The following CCDC88A variants were observed in gnomAD, a reference collection of about 807,000 sequenced individuals.
CCDC88A encodes coiled-coil and HOOK domain protein 88A.
Under a neutral mutation model 234.3 loss-of-function variants are expected in CCDC88A, and 54 were observed. The ratio of observed to expected loss-of-function variants is 0.23; its 90% confidence interval spans 0.19 to 0.29. CCDC88A has a LOEUF of 0.29. Ranked by LOEUF, CCDC88A falls within the 10% of genes least tolerant of loss-of-function variation. The probability of loss-of-function intolerance (pLI) is 1.00; values close to 1 mark genes in which losing one functional copy is unlikely to be tolerated. For synonymous variants in CCDC88A, 753 were observed against 737.8 expected, an observed-to-expected ratio of 1.02 and a Z score of -0.33; for missense variants, 1,832 against 2,123.4, an observed-to-expected ratio of 0.86 and a Z score of 2.70.
intron 3 of CCDC88A, among the ~76,000 whole-genome samples, chr2:55,377,080 C>A (rs943006591): frequency 2.0e-5 from 3 of 152,188 alleles, no homozygotes; most frequent in African/African-American, 4.8e-5. Context: ...GATCCACCTG[C>A]CTCGGCCTCC....
intron 5 of CCDC88A, among the ~76,000 whole-genome samples, 167 bp downstream of exon 5, chr2:55,372,285 G>T (rs968851565): frequency 5.3e-5 from 8 of 151,996 alleles, no homozygotes; most frequent in African/African-American, 9.7e-5. Flanking sequence ...AAAATAAGTG[G>T]TTTTTTTCAA....
At chr2:55,324,553 T>G (rs1684027230) in intron 17 of CCDC88A, among the ~76,000 whole-genome samples, 1 of 152,228 alleles carries the variant, frequency 6.6e-6, no homozygotes, top group African/African-American at 2.4e-5. Flanking sequence ...GGTCATTATA[T>G]CCAGTTTTTA....
chr2:55,419,192 A>G lies in CCDC88A; in HGVS notation c.-113T>C. On this transcript the variant is annotated 5_prime_UTR_variant, in exon 1 of 33. Coordinates refer to ENST00000436346, the MANE Select transcript of CCDC88A (RefSeq NM_001365480.1). Reference sequence around the variant, plus strand: ...ATGAAAGTCCATTTCGGCAAGGGAGAAAAATCCCATCGTGGAGGAGGGGGG... The same window carrying G: ...ATGAAAGTCCATTTCGGCAAGGGAGGAAAATCCCATCGTGGAGGAGGGGGG... 1 of 693,140 alleles carries G rather than the reference A, an allele frequency of 1.4e-6. No homozygotes were observed. The highest frequency in any genetic ancestry group is 2.6e-5 in the Admixed American group (1 of 38,450). The allele number at this position is 693,140 out of a possible 1,614,324, so 42.9% of individuals were successfully genotyped here. A position where few individuals can be genotyped will look rare whatever the true frequency, so the allele number is the denominator to read the frequency against.
chr2:55,294,973 AATG>A (rs1679851093), intron 31 of CCDC88A: 4 of 1,197,610 alleles, frequency 3.3e-6, no homozygotes, highest in African/African-American at 1.6e-5. Context: ...AACCTAGCCA[AATG>A]ATATTTTGTT....
At chr2:55,339,091 T>TG in intron 13 of CCDC88A, 1 of 160,444 alleles carries the variant, frequency 6.2e-6, no homozygotes, top group Non-Finnish European at 1.4e-5. Flanking sequence ...CCCGAGTAGC[T>TG]GGGATCACCG....
rs752663401 is a variant in CCDC88A at position 55,394,834 on chromosome 2, ATGTTTT to A, written c.165-5954_165-5949del. Among the ~76,000 whole-genome samples, 265 of 151,446 alleles carry A rather than the reference ATGTTTT, an allele frequency of 1.7e-3. 1 individual carries two copies. The highest frequency in any genetic ancestry group is 3.0e-3 in the Non-Finnish European group (204 of 67,802). On this transcript the variant is annotated intron_variant, in intron 2 of 32. Coordinates refer to ENST00000436346, the MANE Select transcript of CCDC88A (RefSeq NM_001365480.1). The stretch of plus-strand genomic sequence containing the variant: ...AATAATAAAAAAAAAAAGAAAAAAA[ATGTTTT>A]TGTTTTTGTTTTTGTTTTTTTTTGA...
chr2:55,303,794 T>C lies in CCDC88A; in HGVS notation c.4388-642A>G, dbSNP rs372837176. 7.2e-5 allele frequency among the ~76,000 whole-genome samples: 11 copies of C among 152,334 alleles called. No individual in the cohort carries two copies. In the East Asian group the frequency reaches 2.1e-3, roughly 29 times the overall value. The stretch of plus-strand genomic sequence containing the variant: ...CCTAGTTAAGTCGTAAAGGTAAACC[T>C]TTAAAATGAAGGCTACTGGTGGTTC... On this transcript the variant is annotated intron_variant, in intron 25 of 32. Coordinates refer to ENST00000436346, the MANE Select transcript of CCDC88A (RefSeq NM_001365480.1).
chr2:55,408,885 C>T (rs1680022846), intron 2 of CCDC88A, among the ~76,000 whole-genome samples: 1 of 152,128 alleles, frequency 6.6e-6, no homozygotes, highest in Non-Finnish European at 1.5e-5. Flanking sequence ...CCTCCTGATA[C>T]TTGCTTTCTT....
intron 2 of CCDC88A, among the ~76,000 whole-genome samples, chr2:55,391,295 A>C (rs938731227): frequency 2.0e-5 from 3 of 152,208 alleles, no homozygotes; most frequent in African/African-American, 7.2e-5. Flanking sequence ...TGCTGATTGC[A>C]AGTAACTTGA....
chr2:55,314,339 G>A (rs536598231), intron 22 of CCDC88A: 8 of 152,312 alleles, frequency 5.3e-5, no homozygotes, highest in South Asian at 2.1e-4. Context: ...AGGTTGTCTC[G>A]TTGTTAAAGA....
Position 55,301,281 on chromosome 2 carries a change from C to A in CCDC88A, c.4673-4G>T, listed in dbSNP as rs1180226031. On this transcript the variant is annotated splice_region_variant and splice_polypyrimidine_tract_variant and intron_variant, in intron 27 of 32. Coordinates refer to ENST00000436346, the MANE Select transcript of CCDC88A (RefSeq NM_001365480.1). ...ATGTCTTCAAAGGATGTAGTATCTACATAAAATAGCAAAATGGATATAAAG... is the reference window on the plus strand; with the variant it reads ...ATGTCTTCAAAGGATGTAGTATCTAAATAAAATAGCAAAATGGATATAAAG... 6.8e-7 allele frequency: 1 copy of A among 1,470,864 alleles called. No individual in the cohort carries two copies. Among genetic ancestry groups the A allele is most frequent in the Non-Finnish European group, 9.3e-7 (1 of 1,071,828 alleles). The allele number at this position is 1,470,864 out of a possible 1,614,324, so 91.1% of individuals were successfully genotyped here.
intron 7 of CCDC88A, among the ~76,000 whole-genome samples, chr2:55,358,629 G>C (rs1670893975): frequency 6.6e-6 from 1 of 152,076 alleles, no homozygotes; most frequent in Non-Finnish European, 1.5e-5. Flanking sequence ...ATTTGCCAAA[G>C]AAACAAAACC....
chr2:55,376,071 C>A (rs1419217480), intron 3 of CCDC88A, among the ~76,000 whole-genome samples: 6 of 152,064 alleles, frequency 3.9e-5, no homozygotes, highest in Non-Finnish European at 8.8e-5. Flanking sequence ...TGAATTCTTT[C>A]TAATTCTTCA....
At chr2:55,352,818 C>T (rs1670061626) in intron 8 of CCDC88A, among the ~76,000 whole-genome samples, 3 of 138,730 alleles carry the variant, frequency 2.2e-5, no homozygotes, top group Admixed American at 2.1e-4. Flanking sequence ...AATGAGTATG[C>T]TGTTAATTTG....
intron 3 of CCDC88A, among the ~76,000 whole-genome samples, chr2:55,386,946 G>A (rs1982483): frequency 0.51 from 76,237 of 150,694 alleles, 21,317 homozygotes; most frequent in Admixed American, 0.63. Context: ...AGGCCGAGGC[G>A]GGTGGATCAC....
intron 8 of CCDC88A, among the ~76,000 whole-genome samples, chr2:55,352,458 A>AC (rs927146359): frequency 2.6e-5 from 4 of 151,688 alleles, no homozygotes; most frequent in African/African-American, 9.7e-5. Context: ...ACACAAAAAA[A>AC]CAAGAAATTG....
intron 13 of CCDC88A, among the ~76,000 whole-genome samples, chr2:55,338,010 A>G (rs948870741): frequency 3.3e-5 from 5 of 152,200 alleles, no homozygotes; most frequent in Non-Finnish European, 7.3e-5. Flanking sequence ...TATAAGAATA[A>G]CAATTATTGA....
chr2:55,397,082 G>A (rs1286621283), intron 2 of CCDC88A, among the ~76,000 whole-genome samples: 1 of 151,770 alleles, frequency 6.6e-6, no homozygotes, highest in Admixed American at 6.6e-5. Context: ...TCAAACAATA[G>A]GTACCTAAGA....
In CCDC88A at chr2:55,317,380, T is replaced by G. The variant is rs1409286197; in HGVS notation, c.3603-31A>C. On this transcript the variant is annotated intron_variant, in intron 20 of 32. Coordinates refer to ENST00000436346, the MANE Select transcript of CCDC88A (RefSeq NM_001365480.1). This position sits in a 1 kb window ranked among gnomAD's most constrained non-coding sequence, Gnocchi z 4.2. ...GGGAAAAAAGGCATTTGGTTTATAATATTTACAAAAAAGAAATTTTAGAAA... is the reference window on the plus strand; with the variant it reads ...GGGAAAAAAGGCATTTGGTTTATAAGATTTACAAAAAAGAAATTTTAGAAA... 7.1e-7 allele frequency: 1 copy of G among 1,413,418 alleles called. No individual in the cohort carries two copies. The highest frequency in any genetic ancestry group is 9.3e-7 in the Non-Finnish European group (1 of 1,070,110). 87.6% of individuals were successfully genotyped at this position (1,413,418 alleles called of 1,614,324 possible). A position where few individuals can be genotyped will look rare whatever the true frequency, so the allele number is the denominator to read the frequency against.
Sources: gnomAD v4.1 joint callset for allele counts (sites outside exome capture counted in the v4.1 genomes callset) on GRCh38, gnomAD v4.1.1 for gene constraint, Gnocchi (gnomAD v3.1) non-coding constraint, MANE v1.5 for transcripts, NCBI Gene and HGNC (gene_info 2026-07-23, HGNC 2026-07-21) for gene names.